Variants in LRFN2 observed in about 807,000 individuals in gnomAD.
LRFN2 encodes leucine-rich repeat and fibronectin type-III domain-containing protein 2.
LRFN2 carries 18 observed loss-of-function variants against 37.3 expected under a neutral mutation model. That is an observed-to-expected ratio of 0.48 (90% confidence interval 0.33 to 0.72). The LOEUF (loss-of-function observed/expected upper bound fraction) is 0.72. Among genes scored for constraint, LRFN2 ranks in the 30% least tolerant of loss-of-function variants. The pLI is 0.02. For synonymous variants in LRFN2, 556 were observed against 466.6 expected, an observed-to-expected ratio of 1.19 and a Z score of -2.47; for missense variants, 1,006 against 1,060.7, an observed-to-expected ratio of 0.95 and a Z score of 0.72.
intron 1 of LRFN2, among the ~76,000 whole-genome samples, chr6:40,490,836 C>A (rs539089250): frequency 6.6e-6 from 1 of 152,322 alleles, no homozygotes; most frequent in Admixed American, 6.5e-5. Flanking sequence ...GACTTTCTGG[C>A]CCTCTGTTCC....
At chr6:40,486,886 G>T (rs1016382123) in intron 1 of LRFN2, among the ~76,000 whole-genome samples, 9 of 152,194 alleles carry the variant, frequency 5.9e-5, no homozygotes, top group Non-Finnish European at 1.0e-4. Context: ...GCATGCCACA[G>T]TGGTTTTATT....
intron 1 of LRFN2, among the ~76,000 whole-genome samples, chr6:40,503,299 T>C (rs1765438148): frequency 6.6e-6 from 1 of 152,088 alleles, no homozygotes; most frequent in African/African-American, 2.4e-5. Flanking sequence ...GAGGCTGTAG[T>C]GAAAGAACTG....
rs61228961 is a variant in LRFN2, at chr6:40,486,447, C to T, written c.-18-53316G>A. Among the ~76,000 whole-genome samples the T allele has an allele frequency of 3.7e-3, 569 of 152,106 alleles. 11 individuals carry two copies. Among genetic ancestry groups the T allele is most frequent in the East Asian group, 0.036 (187 of 5,146 alleles). ...GAGTACAGAGATTCCTTGGGGAATT[C>T]GGCAGTTAGTGGGGCTTTATGGCAG... On this transcript the variant is annotated intron_variant, in intron 1 of 2. Coordinates refer to ENST00000338305, the MANE Select transcript of LRFN2 (RefSeq NM_020737.3).
chr6:40,572,190 C>T (rs1459489397), intron 1 of LRFN2, among the ~76,000 whole-genome samples: 3 of 152,182 alleles, frequency 2.0e-5, no homozygotes, highest in South Asian at 2.1e-4. Flanking sequence ...CTCACTAGGA[C>T]GTAGAGATGA....
At chr6:40,521,377 G>A (rs1428239618) in intron 1 of LRFN2, among the ~76,000 whole-genome samples, 1 of 152,196 alleles carries the variant, frequency 6.6e-6, no homozygotes, top group Non-Finnish European at 1.5e-5. Flanking sequence ...GGGGGCTGGA[G>A]GAGCCAGAGA....
At chr6:40,547,641 G>T (rs531619621) in intron 1 of LRFN2, among the ~76,000 whole-genome samples, 23 of 152,260 alleles carry the variant, frequency 1.5e-4, no homozygotes, top group African/African-American at 5.3e-4. Context: ...GAATAGGGGA[G>T]GTCAACTGGG....
chr6:40,583,331 C>A (rs920120666), intron 1 of LRFN2, among the ~76,000 whole-genome samples: 2 of 151,190 alleles, frequency 1.3e-5, no homozygotes, highest in Non-Finnish European at 2.9e-5. Context: ...TGCCCATGTG[C>A]CCCTTCCTAG....
At chr6:40,556,326 C>T (rs1004165478) in intron 1 of LRFN2, among the ~76,000 whole-genome samples, 1 of 152,234 alleles carries the variant, frequency 6.6e-6, no homozygotes, top group African/African-American at 2.4e-5. Flanking sequence ...GACACCCTGA[C>T]AGGCCCCTCT....
intron 2 of LRFN2, among the ~76,000 whole-genome samples, chr6:40,398,408 G>A (rs964393886): frequency 7.2e-5 from 11 of 151,866 alleles, no homozygotes; most frequent in African/African-American, 2.4e-4. Flanking sequence ...CTCTGCCGCC[G>A]ACCTTCTGCT....
At chr6:40,496,900 A>G (rs1255669866) in intron 1 of LRFN2, among the ~76,000 whole-genome samples, 1 of 152,130 alleles carries the variant, frequency 6.6e-6, no homozygotes, top group African/African-American at 2.4e-5. Context: ...TCAGGCTTTC[A>G]GTTCCTTGCT....
chr6:40,487,638 A>G (rs1764994213), intron 1 of LRFN2, among the ~76,000 whole-genome samples: 1 of 152,248 alleles, frequency 6.6e-6, no homozygotes, highest in South Asian at 2.1e-4. Flanking sequence ...TGGAAGCCCA[A>G]AGAACTGTGA....
chr6:40,515,616 C>T (rs1430540712), intron 1 of LRFN2, among the ~76,000 whole-genome samples: 3 of 152,100 alleles, frequency 2.0e-5, no homozygotes, highest in East Asian at 1.9e-4. Flanking sequence ...CGGCTGGGCG[C>T]GGTGGCTCAC....
At chr6:40,551,664 A>T (rs530726987) in intron 1 of LRFN2, among the ~76,000 whole-genome samples, 1 of 152,246 alleles carries the variant, frequency 6.6e-6, no homozygotes, top group South Asian at 2.1e-4. Flanking sequence ...ACCATCAAGC[A>T]TCTGAGTAGA....
intron 1 of LRFN2, among the ~76,000 whole-genome samples, chr6:40,572,134 T>G (rs1357341439): frequency 6.6e-6 from 1 of 152,218 alleles, no homozygotes; most frequent in Non-Finnish European, 1.5e-5. Flanking sequence ...ACTTATCACA[T>G]GTGTGGGCCT....
intron 1 of LRFN2, among the ~76,000 whole-genome samples, chr6:40,433,635 A>T (rs1049774685): frequency 6.6e-6 from 1 of 152,152 alleles, no homozygotes; most frequent in Admixed American, 6.5e-5. Flanking sequence ...TTACATTCTT[A>T]ATTGGTTTAG....
intron 1 of LRFN2, among the ~76,000 whole-genome samples, chr6:40,494,068 T>C (rs1298728161): frequency 6.6e-6 from 1 of 152,232 alleles, no homozygotes; most frequent in African/African-American, 2.4e-5. Flanking sequence ...GTCAGTCCTA[T>C]GTTTACAACA....
At chr6:40,503,872 C>A (rs1025190609) in intron 1 of LRFN2, among the ~76,000 whole-genome samples, 2 of 151,752 alleles carry the variant, frequency 1.3e-5, no homozygotes, top group African/African-American at 4.8e-5. Flanking sequence ...GACACAGAGG[C>A]TACCAGTGAC....
intron 1 of LRFN2, among the ~76,000 whole-genome samples, chr6:40,551,890 G>A (rs1303231740): frequency 6.6e-6 from 1 of 152,108 alleles, no homozygotes; most frequent in African/African-American, 2.4e-5. Context: ...GCGGTAGAAG[G>A]AAGGAAGATT....
At chr6:40,577,590 C>T (rs1231358613) in intron 1 of LRFN2, among the ~76,000 whole-genome samples, 1 of 101,800 alleles carries the variant, frequency 9.8e-6, no homozygotes, top group Non-Finnish European at 2.0e-5. Flanking sequence ...CCCCTCCCCC[C>T]ACCCCACCAC....
Sources: allele counts gnomAD v4.1 joint callset (sites outside exome capture counted in the v4.1 genomes callset), GRCh38; gene constraint gnomAD v4.1.1; transcripts MANE v1.5; gene names NCBI Gene and HGNC (gene_info 2026-07-23, HGNC 2026-07-21).